The following TRAPPC9 variants were observed in gnomAD, a reference collection of about 807,000 sequenced individuals.
The protein encoded by TRAPPC9 is trafficking protein particle complex subunit 9, also known as IKK2 binding protein.
In TRAPPC9, 83 loss-of-function variants were observed where a neutral mutation model predicts 124.0. That is an observed-to-expected ratio of 0.67 (90% confidence interval 0.56 to 0.80). The LOEUF is 0.80. TRAPPC9 is among the 30% of genes least tolerant of loss of function. The pLI, the probability that TRAPPC9 is intolerant of heterozygous loss-of-function variation, is 0.00. For missense variants in TRAPPC9, 1,302 were observed against 1,508.3 expected (o/e 0.86, Z 2.27); for synonymous variants, 638 against 617.5 (o/e 1.03, Z -0.49).
chr8:140,383,379 A>T (rs1327561101), intron 7 of TRAPPC9, among the ~76,000 whole-genome samples: 1 of 152,012 alleles, frequency 6.6e-6, no homozygotes, highest in Non-Finnish European at 1.5e-5. Context: ...TAAAGGAGGA[A>T]GTTCGAACCC....
At chr8:140,445,853 G>A (rs2071231224) in intron 2 of TRAPPC9, among the ~76,000 whole-genome samples, 1 of 152,224 alleles carries the variant, frequency 6.6e-6, no homozygotes, top group Admixed American at 6.5e-5. Context: ...AGGTCACAGA[G>A]CGAGAACCTT....
chr8:140,409,378 A>G (rs1430216507), intron 5 of TRAPPC9, among the ~76,000 whole-genome samples: 3 of 152,218 alleles, frequency 2.0e-5, no homozygotes, highest in Non-Finnish European at 4.4e-5. Context: ...TGCGGCCTTT[A>G]TGAAGAAGAC....
chr8:139,885,793 A>G, intron 21 of TRAPPC9, 86 bp downstream of exon 21: 1 of 1,352,480 alleles, frequency 7.4e-7, no homozygotes, highest in Non-Finnish European at 1.0e-6. Context: ...TGGGGTGCCC[A>G]GCCACACCCC....
Position 139,786,219 on chromosome 8 carries a change from CA to C in TRAPPC9, c.3056-54018del, listed in dbSNP as rs74425280. Among the ~76,000 whole-genome samples the C allele has an allele frequency of 8.3e-4, 126 of 152,214 alleles. 3 individuals are homozygous for C. The East Asian group carries it at 0.018, about 21-fold the overall frequency. On this transcript the variant is annotated intron_variant, in intron 21 of 22. Transcript: ENST00000438773. ...CGAGACTCTGTCTCAAACAAACAAA[CA>C]AATAAACCCAGTAAAATAATAGGCA...
At chr8:140,093,713 A>G (rs1006603919) in intron 17 of TRAPPC9, among the ~76,000 whole-genome samples, 1 of 152,112 alleles carries the variant, frequency 6.6e-6, no homozygotes. Context: ...TAAAGTGTTT[A>G]AAGCTGGATA....
intron 17 of TRAPPC9, among the ~76,000 whole-genome samples, chr8:140,129,541 A>C (rs914498605): frequency 6.6e-6 from 1 of 152,162 alleles, no homozygotes; most frequent in South Asian, 2.1e-4. Context: ...CGGGGGATGG[A>C]ACCCGAGCTG....
intron 21 of TRAPPC9, among the ~76,000 whole-genome samples, chr8:139,862,417 C>T (rs544720301): frequency 2.2e-4 from 34 of 152,346 alleles, no homozygotes; most frequent in East Asian, 3.9e-4. Flanking sequence ...CATCCAGTGA[C>T]GGAGCACCAG....
intron 7 of TRAPPC9, among the ~76,000 whole-genome samples, chr8:140,381,667 CAAA>C (rs56659960): frequency 5.0e-4 from 24 of 48,386 alleles, no homozygotes; most frequent in African/African-American, 1.4e-3. Context: ...GACTCTGTCT[CAAA>C]AAAAAAAAAA....
At chr8:140,418,638 T>C (rs1026324203) in intron 5 of TRAPPC9, among the ~76,000 whole-genome samples, 3 of 151,956 alleles carry the variant, frequency 2.0e-5, no homozygotes, top group African/African-American at 7.3e-5. Context: ...GTAGAATCGC[T>C]TGAACCTGGG....
intron 21 of TRAPPC9, among the ~76,000 whole-genome samples, chr8:139,853,323 C>T (rs1224359305): frequency 2.6e-5 from 4 of 152,134 alleles, no homozygotes; most frequent in African/African-American, 9.7e-5. Flanking sequence ...GGAGGCCAAG[C>T]GATCAGAGGC....
chr8:140,009,749 C>A (rs1838998444), intron 18 of TRAPPC9, among the ~76,000 whole-genome samples: 1 of 152,200 alleles, frequency 6.6e-6, no homozygotes, highest in Non-Finnish European at 1.5e-5. Context: ...CATAGCACGT[C>A]CCCCCTGCTA....
At chr8:140,336,524 G>A (rs780132859) in intron 9 of TRAPPC9, among the ~76,000 whole-genome samples, 1 of 152,118 alleles carries the variant, frequency 6.6e-6, no homozygotes, top group Non-Finnish European at 1.5e-5. Flanking sequence ...AAAATGAGGC[G>A]AGGTCCATCT....
chr8:140,219,685 G>A (rs908007374), intron 17 of TRAPPC9, among the ~76,000 whole-genome samples: 7 of 152,004 alleles, frequency 4.6e-5, no homozygotes, highest in African/African-American at 9.7e-5. Context: ...CTATCTCTTC[G>A]CTGCAAACCC....
At position 140,443,333 on chromosome 8, in the gene TRAPPC9, G is replaced by A. The variant is rs574118989; in HGVS notation, c.585-4136C>T. On this transcript the variant is annotated intron_variant, in intron 2 of 22. Coordinates refer to ENST00000438773, the MANE Select transcript of TRAPPC9 (RefSeq NM_001160372.4). ...CGCCTGTAGTCCCAGCTAATCAGGA[G>A]GCTGAGGCAGGAGAATGGTGTGAAC... Among the ~76,000 whole-genome samples, 42 of 151,852 alleles carry A rather than the reference G, an allele frequency of 2.8e-4. 1 individual carries two copies. In the South Asian group the frequency reaches 8.7e-3, roughly 31 times the overall value.
intron 8 of TRAPPC9, among the ~76,000 whole-genome samples, chr8:140,370,025 C>T (rs1312092623): frequency 6.6e-6 from 1 of 152,150 alleles, no homozygotes; most frequent in Admixed American, 6.5e-5. Context: ...ACCTAGATGA[C>T]ATCACAGTTC....
chr8:140,270,031 C>T (rs538971650), intron 15 of TRAPPC9, among the ~76,000 whole-genome samples: 5 of 151,950 alleles, frequency 3.3e-5, no homozygotes, highest in African/African-American at 7.2e-5. Context: ...ACCTGGGAGG[C>T]GGAGGTTGCA....
chr8:140,387,512 T>C (rs942426868), intron 7 of TRAPPC9, among the ~76,000 whole-genome samples: 2 of 151,970 alleles, frequency 1.3e-5, no homozygotes, highest in Non-Finnish European at 2.9e-5. Context: ...TACAATGAAC[T>C]CAAACAAATT....
intron 10 of TRAPPC9, among the ~76,000 whole-genome samples, chr8:140,306,918 G>A (rs1237466900): frequency 2.0e-5 from 3 of 152,118 alleles, no homozygotes; most frequent in African/African-American, 7.2e-5. Context: ...GGGATGAGTG[G>A]GCCTTGGGTG....
At chr8:140,099,454 C>T (rs1238645462) in intron 17 of TRAPPC9, 6 of 151,660 alleles carry the variant, frequency 4.0e-5, no homozygotes, top group African/African-American at 1.5e-4. Context: ...CCCGGGTTCT[C>T]CACAGCCTTC....
Sources: allele counts gnomAD v4.1 joint callset (sites outside exome capture counted in the v4.1 genomes callset), GRCh38; gene constraint gnomAD v4.1.1; transcripts MANE v1.5; gene names NCBI Gene and HGNC (gene_info 2026-07-23, HGNC 2026-07-21).